KIF27: variants seen among roughly 807,000 people sequenced by gnomAD.
KIF27 encodes the protein kinesin family member 27, also known as kinesin-like protein KIF27.
KIF27 carries 84 observed loss-of-function variants against 141.8 expected under a neutral mutation model. The ratio of observed to expected loss-of-function variants is 0.59; its 90% CI spans 0.50 to 0.71. The LOEUF is 0.71. Ranked by LOEUF, KIF27 falls within the 30% of genes least tolerant of loss-of-function variation. KIF27 has a pLI of 0.00. For missense variants in KIF27, 1,306 were observed against 1,628.4 expected (o/e 0.80, Z 3.41); for synonymous variants, 471 against 569.5 (o/e 0.83, Z 2.46).
chr9:83,874,796 C>T (rs543969063), intron 11 of KIF27, among the ~76,000 whole-genome samples: 94 of 149,730 alleles, frequency 6.3e-4, no homozygotes, highest in African/African-American at 2.2e-3. Context: ...GTGTGAGGTA[C>T]GCTGGCATGT....
chr9:83,844,721 C>T (rs1947033282), intron 16 of KIF27, among the ~76,000 whole-genome samples: 2 of 152,132 alleles, frequency 1.3e-5, no homozygotes, highest in South Asian at 4.2e-4. Context: ...GTTGGTTGCT[C>T]CTAAGTTCAG....
At chr9:83,915,914 GGT>G (rs1408192373) in intron 1 of KIF27, among the ~76,000 whole-genome samples, 3 of 152,068 alleles carry the variant, frequency 2.0e-5, no homozygotes, top group Non-Finnish European at 4.4e-5. Flanking sequence ...GATGAAGCTA[GGT>G]GATAAGTACA....
Position 83,903,040 on chromosome 9 carries a change from A to T in KIF27, c.1458+20T>A, listed in dbSNP as rs1210831407. ...TATCAATAAAATAAATAAATAAATAAATAAGTGATGTCTAAGTACCTGGCA... is the reference window on the plus strand; with the variant it reads ...TATCAATAAAATAAATAAATAAATATATAAGTGATGTCTAAGTACCTGGCA... On this transcript the variant is annotated intron_variant, in intron 4 of 17. Transcript: ENST00000297814. 1 of 1,431,236 alleles carries T rather than the reference A, an allele frequency of 7.0e-7. No homozygotes were observed. Among genetic ancestry groups the T allele is most frequent in the Non-Finnish European group, 9.6e-7 (1 of 1,040,510 alleles). 88.7% of individuals were successfully genotyped at this position (1,431,236 alleles called of 1,614,324 possible). A position where few individuals can be genotyped will look rare whatever the true frequency, so the allele number is the denominator to read the frequency against.
chr9:83,874,991 C>G (rs1951096221), intron 11 of KIF27, among the ~76,000 whole-genome samples: 1 of 145,742 alleles, frequency 6.9e-6, no homozygotes, highest in South Asian at 2.2e-4. Context: ...GAGTTACAAG[C>G]AGAGTTGCAT....
chr9:83,909,231 G>C (rs1954891687), intron 2 of KIF27, among the ~76,000 whole-genome samples: 1 of 152,216 alleles, frequency 6.6e-6, no homozygotes, highest in Non-Finnish European at 1.5e-5. Flanking sequence ...AGGGGGACTA[G>C]AAGTGTAACT....
At chr9:83,873,806 T>C (rs1950987154) in intron 11 of KIF27, among the ~76,000 whole-genome samples, 1 of 152,164 alleles carries the variant, frequency 6.6e-6, no homozygotes, top group South Asian at 2.1e-4. Context: ...TCCCAGCACT[T>C]TGGGAGGCCA....
At chr9:83,885,560 G>A (rs1952026230) in intron 9 of KIF27, among the ~76,000 whole-genome samples, 1 of 151,820 alleles carries the variant, frequency 6.6e-6, no homozygotes, top group Non-Finnish European at 1.5e-5. Context: ...AAATCATTTT[G>A]GACTATTCAT....
rs1272922630 is a variant in KIF27 at position 83,836,172 on chromosome 9, ACTTCAAG to A, written c.*822_*828del. On this transcript the variant is annotated 3_prime_UTR_variant, in exon 18 of 18. Coordinates refer to ENST00000297814, the MANE Select transcript of KIF27 (RefSeq NM_017576.4). Reference sequence around the variant, plus strand: ...AAATCATTAAAGATGCTTTGGCAAGACTTCAAGCTTTACAGACATACTCCATGTGACC... The same window carrying A: ...AAATCATTAAAGATGCTTTGGCAAGACTTTACAGACATACTCCATGTGACC... Among the ~76,000 whole-genome samples the A allele has an allele frequency of 6.6e-6, 1 of 152,194 alleles. No homozygotes were observed. Among genetic ancestry groups the A allele is most frequent in the East Asian group, 1.9e-4 (1 of 5,200 alleles).
intron 16 of KIF27, among the ~76,000 whole-genome samples, chr9:83,849,166 C>A (rs1948233865): frequency 1.3e-5 from 2 of 151,884 alleles, no homozygotes; most frequent in Admixed American, 1.3e-4. Context: ...TGGTATAATC[C>A]CACTCACTTT....
At chr9:83,867,481 GT>G (rs1950468015) in intron 13 of KIF27, among the ~76,000 whole-genome samples, 1 of 117,642 alleles carries the variant, frequency 8.5e-6, no homozygotes, top group Non-Finnish European at 1.6e-5. Context: ...CATAGTATCC[GT>G]AAGTTTAGCC....
chr9:83,870,498 C>T, intron 12 of KIF27, 21 bp downstream of exon 12: 1 of 1,613,198 alleles, frequency 6.2e-7, no homozygotes, highest in Non-Finnish European at 8.5e-7. Flanking sequence ...AACCAGGAAA[C>T]ACTAAATAGA....
intron 2 of KIF27, among the ~76,000 whole-genome samples, chr9:83,911,917 T>C (rs1369631650): frequency 6.6e-6 from 1 of 152,164 alleles, no homozygotes; most frequent in Non-Finnish European, 1.5e-5. Context: ...GGAGAGCTAT[T>C]GCTTAATGGG....
At chr9:83,839,453 A>G (rs1405052063) in intron 17 of KIF27, among the ~76,000 whole-genome samples, 1 of 152,220 alleles carries the variant, frequency 6.6e-6, no homozygotes, top group African/African-American at 2.4e-5. Flanking sequence ...TTAAATTGAT[A>G]CAAGGATAGG....
At chr9:83,905,990 T>A (rs368860852) in intron 3 of KIF27, among the ~76,000 whole-genome samples, 3 of 152,252 alleles carry the variant, frequency 2.0e-5, no homozygotes, top group Non-Finnish European at 4.4e-5. Flanking sequence ...AGCATTGATA[T>A]CAGATATGAA....
chr9:83,887,252 T>C (rs946729749), intron 8 of KIF27, 56 bp from the exon 9 acceptor site: 17 of 1,204,420 alleles, frequency 1.4e-5, no homozygotes, highest in African/African-American at 3.2e-5. Context: ...TCAACAGAAG[T>C]AGAGTTAAAA....
chr9:83,836,720 A>T lies in KIF27; in HGVS notation c.*281T>A, dbSNP rs571734761. The T allele has an allele frequency of 3.2e-6, 1 of 313,996 alleles. No homozygotes were observed. The highest frequency in any genetic ancestry group is 4.6e-5 in the Admixed American group (1 of 21,702). 19.5% of individuals were successfully genotyped at this position (313,996 alleles called of 1,614,324 possible). A position where few individuals can be genotyped will look rare whatever the true frequency, so the allele number is the denominator to read the frequency against. ...ATATTTTAGTCTATTACTAGTTTTA[A>T]TCTTCAAATATGCCTGGAAAAACAT... is the stretch of plus-strand genomic sequence containing the variant. On this transcript the variant is annotated 3_prime_UTR_variant, in exon 18 of 18. Transcript: ENST00000297814.
chr9:83,851,500 T>C (rs534086232), intron 15 of KIF27, among the ~76,000 whole-genome samples: 16 of 152,262 alleles, frequency 1.1e-4, no homozygotes, highest in African/African-American at 3.9e-4. Context: ...CACAGGTACA[T>C]GCCATCATGC....
chr9:83,870,644 G>T lies in KIF27; in HGVS notation c.2644-12C>A. 4 of 1,597,840 alleles carry T rather than the reference G, an allele frequency of 2.5e-6. No individual in the cohort carries two copies. The highest frequency in any genetic ancestry group is 3.4e-6 in the Non-Finnish European group (4 of 1,170,456). ...TTTAATTGTATTTCCTATAGAAAAAGAAATTGAAAACACCTTATTGCTTTT... is the reference window on the plus strand; with the variant it reads ...TTTAATTGTATTTCCTATAGAAAAATAAATTGAAAACACCTTATTGCTTTT... On this transcript the variant is annotated splice_polypyrimidine_tract_variant and intron_variant, in intron 11 of 17. Transcript: ENST00000297814.
intron 16 of KIF27, chr9:83,848,034 T>TG: frequency 1.7e-5 from 2 of 119,894 alleles, no homozygotes; most frequent in Non-Finnish European, 3.4e-5. Context: ...TATCTATATC[T>TG]ATATATATCT....
Sources: gnomAD v4.1 joint callset for allele counts (sites outside exome capture counted in the v4.1 genomes callset) on GRCh38, gnomAD v4.1.1 for gene constraint, MANE v1.5 for transcripts, NCBI Gene and HGNC (gene_info 2026-07-23, HGNC 2026-07-21) for gene names.